The following LGSN variants were observed in gnomAD, a reference collection of about 807,000 sequenced individuals.
The protein encoded by LGSN is lengsin, lens protein with glutamine synthetase domain.
In LGSN, 21 loss-of-function variants were observed where a neutral mutation model predicts 19.5. The observed-to-expected ratio is 1.07, with a 90% confidence interval of 0.76 to 1.55. The LOEUF is 1.55. Among genes scored for constraint, LGSN ranks in the 40% most tolerant of loss-of-function variants. The pLI, the probability that LGSN is intolerant of heterozygous loss-of-function variation, is 0.00. For synonymous variants in LGSN, 257 were observed against 215.6 expected (o/e 1.19, Z -1.68); for missense variants, 673 against 608.5 (o/e 1.11, Z -1.12).
At chr6:63,354,298 AT>A in the LGSN span, among the ~76,000 whole-genome samples, 5 of 152,172 alleles carry the variant, frequency 3.3e-5, no homozygotes, top group East Asian at 9.6e-4. Context: ...AGCAAAAAAA[AT>A]AAATAAATAA....
chr6:63,489,644 G>T, the LGSN span, among the ~76,000 whole-genome samples: 1 of 151,278 alleles, frequency 6.6e-6, no homozygotes, highest in Non-Finnish European at 1.5e-5. Context: ...TGCTGGGATG[G>T]CTGGCGTAAG....
At chr6:63,304,007 C>T (rs1373089150) in intron 1 of LGSN, among the ~76,000 whole-genome samples, 2 of 152,182 alleles carry the variant, frequency 1.3e-5, no homozygotes, top group Admixed American at 1.3e-4. Flanking sequence ...TAACTTTTGC[C>T]TTGCTTATGC....
At chr6:63,394,188 C>T in the LGSN span, among the ~76,000 whole-genome samples, 3 of 152,114 alleles carry the variant, frequency 2.0e-5, no homozygotes, top group Non-Finnish European at 4.4e-5. Flanking sequence ...CACTTGAAAC[C>T]AGGAGGCAGA....
chr6:63,446,644 T>A, the LGSN span, among the ~76,000 whole-genome samples: 1 of 152,258 alleles, frequency 6.6e-6, no homozygotes, highest in African/African-American at 2.4e-5. Context: ...TCCTAACCTA[T>A]GAGTTTTGAA....
intron 2 of LGSN, among the ~76,000 whole-genome samples, chr6:63,289,871 C>T (rs910863935): frequency 1.3e-5 from 2 of 152,172 alleles, no homozygotes; most frequent in Non-Finnish European, 2.9e-5. Context: ...ATGTACCATG[C>T]TCTTTCAAGG....
chr6:63,287,763 A>C (rs575691399), intron 2 of LGSN, among the ~76,000 whole-genome samples: 17 of 152,258 alleles, frequency 1.1e-4, no homozygotes, highest in African/African-American at 3.6e-4. Flanking sequence ...AAACATAATA[A>C]GCAATTATAC....
the LGSN span, among the ~76,000 whole-genome samples, chr6:63,407,280 A>G: frequency 6.6e-6 from 1 of 152,076 alleles, no homozygotes; most frequent in Non-Finnish European, 1.5e-5. Flanking sequence ...AAAATCCTCA[A>G]TAAAATACTG....
chr6:63,290,610 T>C (rs1767727210), intron 2 of LGSN, among the ~76,000 whole-genome samples: 1 of 152,184 alleles, frequency 6.6e-6, no homozygotes, highest in Admixed American at 6.5e-5. Flanking sequence ...CAACAACTGG[T>C]TGGAACTCTG....
chr6:63,494,009 G>A, the LGSN span, among the ~76,000 whole-genome samples: 2 of 150,848 alleles, frequency 1.3e-5, no homozygotes. Context: ...GAGTGCAGTG[G>A]CTCAATCTTG....
chr6:63,307,548 G>C (rs531104724), intron 1 of LGSN, among the ~76,000 whole-genome samples: 1 of 152,348 alleles, frequency 6.6e-6, no homozygotes, highest in Admixed American at 6.5e-5. Context: ...AGTTTGGGTA[G>C]AGTGGACCAT....
At chr6:63,560,460 G>A in the LGSN span, among the ~76,000 whole-genome samples, 1 of 149,918 alleles carries the variant, frequency 6.7e-6, no homozygotes, top group South Asian at 2.1e-4. Flanking sequence ...GGAAGGCAGT[G>A]CACATGATCT....
At chr6:63,542,061 G>GTA in the LGSN span, among the ~76,000 whole-genome samples, 3 of 135,494 alleles carry the variant, frequency 2.2e-5, no homozygotes, top group East Asian at 6.5e-4. Flanking sequence ...GTGTGTGTGT[G>GTA]TATACATACA....
the LGSN span, among the ~76,000 whole-genome samples, chr6:63,413,046 A>T: frequency 8.2e-3 from 1,244 of 152,294 alleles, 14 homozygotes; most frequent in South Asian, 0.025. Flanking sequence ...TGAGAACAAT[A>T]CATGGGGTAT....
At chr6:63,315,616 C>CTGTGTGTG (rs1381216132) in intron 1 of LGSN, among the ~76,000 whole-genome samples, 8 of 114,692 alleles carry the variant, frequency 7.0e-5, no homozygotes, top group Non-Finnish European at 1.1e-4. Flanking sequence ...CTCTCTCTCT[C>CTGTGTGTG]TCTGTGTGTG....
chr6:63,482,067 G>C, the LGSN span, among the ~76,000 whole-genome samples: 1 of 152,176 alleles, frequency 6.6e-6, no homozygotes, highest in African/African-American at 2.4e-5. Flanking sequence ...ATAAGATATA[G>C]TAATTCAACA....
the LGSN span, among the ~76,000 whole-genome samples, chr6:63,437,299 T>C: frequency 3.9e-5 from 6 of 152,104 alleles, no homozygotes; most frequent in South Asian, 2.1e-4. Flanking sequence ...TCTAAACATT[T>C]GCTACCTCAT....
At chr6:63,449,618 T>C in the LGSN span, among the ~76,000 whole-genome samples, 1 of 150,786 alleles carries the variant, frequency 6.6e-6, no homozygotes, top group African/African-American at 2.4e-5. Context: ...TTGTTCAAAA[T>C]TCCTAGAAAA....
the LGSN span, among the ~76,000 whole-genome samples, chr6:63,511,245 T>C: frequency 9.6e-6 from 1 of 103,974 alleles, no homozygotes; most frequent in South Asian, 2.9e-4. Flanking sequence ...TAAATAGATT[T>C]CTTTTTTTTT....
At chr6:63,470,929 CTTTCTTTTTTT>C in the LGSN span, among the ~76,000 whole-genome samples, 3 of 123,732 alleles carry the variant, frequency 2.4e-5, no homozygotes, top group African/African-American at 9.0e-5. Flanking sequence ...CAGATTCAGT[CTTTCTTTTTTT>C]TTTTTTTTTT....
Sources: allele counts gnomAD v4.1 joint callset (sites outside exome capture counted in the v4.1 genomes callset), GRCh38; gene constraint gnomAD v4.1.1; transcripts MANE v1.5; gene names NCBI Gene and HGNC (gene_info 2026-07-23, HGNC 2026-07-21).